The following ASTN2 variants were observed in gnomAD, a reference collection of about 807,000 sequenced individuals.
The protein encoded by ASTN2 is astrotactin 2.
In ASTN2, 54 loss-of-function variants were observed where a neutral mutation model predicts 139.8. That is an observed-to-expected ratio of 0.39 (90% CI 0.31 to 0.48). The LOEUF (loss-of-function observed/expected upper bound fraction) is 0.48, where lower values mean the gene tolerates loss of function less well. Ranked by LOEUF, ASTN2 falls within the 20% of genes least tolerant of loss-of-function variation. The pLI, the probability that ASTN2 is intolerant of heterozygous loss-of-function variation, is 0.95. For missense variants in ASTN2, 1,565 were observed against 1,725.1 expected (o/e 0.91, Z 1.64); for synonymous variants, 756 against 719.5 (o/e 1.05, Z -0.81).
intron 2 of ASTN2, among the ~76,000 whole-genome samples, chr9:117,282,554 A>T (rs1834349315): frequency 6.6e-6 from 1 of 152,182 alleles, no homozygotes. Flanking sequence ...AATTGCTTGC[A>T]TGTGCACCCC....
intron 16 of ASTN2, among the ~76,000 whole-genome samples, chr9:116,724,016 T>C (rs1226186591): frequency 6.6e-6 from 1 of 152,172 alleles, no homozygotes; most frequent in Non-Finnish European, 1.5e-5. Context: ...ATACAAGGAA[T>C]GGGATTTTCT....
intron 16 of ASTN2, among the ~76,000 whole-genome samples, chr9:116,685,211 G>GC (rs1187837266): frequency 4.6e-5 from 7 of 151,784 alleles, no homozygotes; most frequent in East Asian, 3.9e-4. Flanking sequence ...TGATCTTGTG[G>GC]CCCCCCCACT....
At chr9:116,710,044 C>A (rs114768347) in intron 16 of ASTN2, among the ~76,000 whole-genome samples, 335 of 152,298 alleles carry the variant, frequency 2.2e-3, no homozygotes, top group African/African-American at 7.6e-3. Flanking sequence ...TCTACTTACT[C>A]CCTCTTCTTC....
intron 1 of ASTN2, among the ~76,000 whole-genome samples, chr9:117,413,081 A>C (rs1352643572): frequency 6.6e-6 from 1 of 152,198 alleles, no homozygotes; most frequent in Non-Finnish European, 1.5e-5. Context: ...ACAGCCTGCG[A>C]GGGTGGGTAC....
intron 12 of ASTN2, among the ~76,000 whole-genome samples, chr9:116,813,132 C>T (rs1831212593): frequency 6.7e-6 from 1 of 149,776 alleles, no homozygotes; most frequent in Non-Finnish European, 1.5e-5. Context: ...TCACAGGAAA[C>T]CAGCCAAGAT....
In ASTN2 at chr9:116,620,390, C is replaced by A; in HGVS notation, c.3126G>T (p.Val1042=). 6.2e-7 allele frequency: 1 copy of A among 1,614,168 alleles called. No homozygotes were observed. The highest frequency in any genetic ancestry group is 8.5e-7 in the Non-Finnish European group (1 of 1,180,022). Residue 1042 remains valine, a synonymous_variant, in exon 18 of 23, where the codon GTG becomes GTT. Coordinates refer to ENST00000313400, the MANE Select transcript of ASTN2 (RefSeq NM_001365068.1). ...GGTCACACCTGCACCAGTCATCGAT[C>A]ACATCCCCTTTCCCTGAGCACCAGT... ...SSYWCSGKGD[V]IDDWCRCDLS...
intron 14 of ASTN2, among the ~76,000 whole-genome samples, chr9:116,730,356 T>C (rs1173845000): frequency 2.0e-5 from 3 of 152,168 alleles, no homozygotes; most frequent in Non-Finnish European, 4.4e-5. Context: ...TTTTTTTTTT[T>C]CCTCCTTATG....
intron 19 of ASTN2, among the ~76,000 whole-genome samples, chr9:116,587,677 T>A (rs775438619): frequency 6.6e-6 from 1 of 152,158 alleles, no homozygotes; most frequent in Non-Finnish European, 1.5e-5. Context: ...CAACTGCACT[T>A]CTTACTAGTT....
intron 14 of ASTN2, among the ~76,000 whole-genome samples, chr9:116,731,201 A>C (rs1006219361): frequency 6.8e-6 from 1 of 147,360 alleles, no homozygotes; most frequent in Admixed American, 6.8e-5. Flanking sequence ...TAATAATAAT[A>C]ATAATAATAA....
At chr9:116,768,398 G>C (rs1829867142) in intron 13 of ASTN2, among the ~76,000 whole-genome samples, 1 of 152,118 alleles carries the variant, frequency 6.6e-6, no homozygotes, top group African/African-American at 2.4e-5. Flanking sequence ...TGTTCTCCTG[G>C]AGATCCTGTG....
At chr9:117,361,352 G>C (rs898276749) in intron 1 of ASTN2, among the ~76,000 whole-genome samples, 4 of 152,134 alleles carry the variant, frequency 2.6e-5, no homozygotes, top group Admixed American at 6.6e-5. Flanking sequence ...GCATGGGGTC[G>C]TGTAGGGCCG....
chr9:116,686,653 C>T (rs1860227406), intron 16 of ASTN2: 2 of 1,535,282 alleles, frequency 1.3e-6, no homozygotes, highest in Non-Finnish European at 1.8e-6. Context: ...GATTCCTCCA[C>T]CTTCACCCGA....
chr9:116,730,943 A>T (rs769084967), intron 14 of ASTN2, among the ~76,000 whole-genome samples: 2 of 152,102 alleles, frequency 1.3e-5, no homozygotes, highest in Non-Finnish European at 2.9e-5. Flanking sequence ...TTTTGAGGTC[A>T]AGGTCACGGT....
chr9:117,389,547 C>G (rs1426861737), intron 1 of ASTN2, among the ~76,000 whole-genome samples: 1 of 152,120 alleles, frequency 6.6e-6, no homozygotes, highest in African/African-American at 2.4e-5. Flanking sequence ...GGTATGGGCA[C>G]CCTTTGTCTT....
intron 16 of ASTN2, among the ~76,000 whole-genome samples, chr9:116,683,532 T>G (rs1198431188): frequency 2.0e-5 from 3 of 152,312 alleles, no homozygotes; most frequent in Admixed American, 2.0e-4. Flanking sequence ...ACACTCTGAG[T>G]GCAGGTCTCA....
intron 10 of ASTN2, among the ~76,000 whole-genome samples, chr9:116,966,592 G>A (rs755837965): frequency 1.3e-5 from 2 of 152,060 alleles, no homozygotes; most frequent in Non-Finnish European, 2.9e-5. Flanking sequence ...AGGCTCACTG[G>A]CTGAATGACA....
At chr9:117,298,719 T>C (rs1834801753) in intron 1 of ASTN2, among the ~76,000 whole-genome samples, 2 of 145,102 alleles carry the variant, frequency 1.4e-5, no homozygotes, top group Admixed American at 1.4e-4. Flanking sequence ...TGTGTGTGTG[T>C]GTGTGTGTGT....
intron 5 of ASTN2, among the ~76,000 whole-genome samples, chr9:117,066,798 T>A (rs901682656): frequency 1.3e-5 from 2 of 151,172 alleles, no homozygotes; most frequent in Non-Finnish European, 3.0e-5. Context: ...GCTGCATAAA[T>A]GTCTTCTTTT....
At chr9:117,132,171 A>T (rs1004368243) in intron 4 of ASTN2, among the ~76,000 whole-genome samples, 1 of 152,092 alleles carries the variant, frequency 6.6e-6, no homozygotes, top group Non-Finnish European at 1.5e-5. Flanking sequence ...AATCCAAAAA[A>T]CCTTGCAGCT....
Sources: allele counts gnomAD v4.1 joint callset (sites outside exome capture counted in the v4.1 genomes callset), GRCh38; gene constraint gnomAD v4.1.1; transcripts MANE v1.5; gene names NCBI Gene and HGNC (gene_info 2026-07-23, HGNC 2026-07-21).